The following RNF2 variants were observed in gnomAD, a reference collection of about 807,000 sequenced individuals.
RNF2 encodes E3 ubiquitin-protein ligase RING2.
A neutral mutation model predicts 37.2 loss-of-function variants in RNF2; 6 were observed. The ratio of observed to expected loss-of-function variants is 0.16; its 90% CI spans 0.09 to 0.32. The LOEUF (loss-of-function observed/expected upper bound fraction) is 0.32. Among genes scored for constraint, RNF2 ranks in the 10% least tolerant of loss-of-function variants. The pLI, the probability that RNF2 is intolerant of heterozygous loss-of-function variation, is 1.00. For missense variants in RNF2, 251 were observed against 404.0 expected, an observed-to-expected ratio of 0.62 and a Z score of 3.25; for synonymous variants, 133 against 132.7, an observed-to-expected ratio of 1.00 and a Z score of -0.02.
intron 3 of RNF2, 44 bp downstream of exon 3, chr1:185,091,783 C>A: frequency 6.8e-7 from 1 of 1,476,116 alleles, no homozygotes; most frequent in Non-Finnish European, 9.3e-7. Flanking sequence ...AATTGTACCA[C>A]GAAAGTGCTT....
intron 1 of RNF2, among the ~76,000 whole-genome samples, chr1:185,086,105 CTTTCTT>C (rs927244988): frequency 4.6e-5 from 7 of 152,034 alleles, no homozygotes; most frequent in African/African-American, 1.7e-4. Flanking sequence ...TTGATAATCT[CTTTCTT>C]TTTAAGGTTT....
At chr1:185,100,014 A>G (rs753943567) in intron 6 of RNF2, 52 bp downstream of exon 6, 62 of 1,519,206 alleles carry the variant, frequency 4.1e-5, no homozygotes, top group Admixed American at 9.3e-5. Flanking sequence ...CTGACCAACT[A>G]ACTGAGTGGC....
At chr1:185,088,831 T>G (rs912476811) in intron 2 of RNF2, among the ~76,000 whole-genome samples, 1 of 152,218 alleles carries the variant, frequency 6.6e-6, no homozygotes, top group African/African-American at 2.4e-5. Context: ...AGTGAGGTGC[T>G]GTATGGGCAT....
intron 1 of RNF2, among the ~76,000 whole-genome samples, chr1:185,059,940 T>G (rs1391135000): frequency 3.9e-5 from 6 of 152,210 alleles, no homozygotes; most frequent in Admixed American, 3.9e-4. Context: ...ACCACAGATT[T>G]AATTTGCCAA....
chr1:185,098,371 A>T, intron 5 of RNF2, 27 bp downstream of exon 5: 1 of 1,602,378 alleles, frequency 6.2e-7, no homozygotes, highest in East Asian at 2.2e-5. Flanking sequence ...GTTTCAGATT[A>T]TCTAAATTCA....
chr1:185,098,246 A>C lies in RNF2; in HGVS notation c.639A>C (p.Ala213=). The change falls in exon 5 of 7, where the codon GCA becomes GCC. Residue 213 remains alanine, a synonymous_variant. Coordinates refer to ENST00000367510, the MANE Select transcript of RNF2 (RefSeq NM_007212.4). ...SGLELDNNNA[A]MAIDPVMDGA... Reference sequence around the variant, plus strand: ...TAGAGCTTGATAATAACAATGCAGCAATGGCAATTGATCCAGTAATGGATG... The same window carrying C: ...TAGAGCTTGATAATAACAATGCAGCCATGGCAATTGATCCAGTAATGGATG... The C allele has an allele frequency of 1.9e-6, 3 of 1,614,196 alleles. No individual in the cohort carries two copies. The highest frequency in any genetic ancestry group is 2.5e-6 in the Non-Finnish European group (3 of 1,180,032).
At chr1:185,087,667 G>T (rs763055792) in intron 2 of RNF2, 27 bp downstream of exon 2, 5 of 1,523,302 alleles carry the variant, frequency 3.3e-6, no homozygotes, top group Non-Finnish European at 3.6e-6. Context: ...CTGCCAAGGG[G>T]CATATGAGAC....
chr1:185,086,616 A>G (rs1358784275), intron 1 of RNF2, among the ~76,000 whole-genome samples: 1 of 152,236 alleles, frequency 6.6e-6, no homozygotes, highest in African/African-American at 2.4e-5. Flanking sequence ...GCTGTCATGT[A>G]GAAAAATTAT....
At chr1:185,082,344 A>ATTTTTTTTTTTTTTTTTTTTTTTTTT (rs1557969996) in intron 1 of RNF2, among the ~76,000 whole-genome samples, 1 of 46,834 alleles carries the variant, frequency 2.1e-5, no homozygotes, top group African/African-American at 7.2e-5. Flanking sequence ...CCTCTGCAGA[A>ATTTTTTTTTTTTTTTTTTTTTTTTTT]CTTTTTTTTT....
intron 1 of RNF2, among the ~76,000 whole-genome samples, chr1:185,076,268 G>GCTTTTTT (rs1553240995): frequency 1.1e-4 from 3 of 27,334 alleles, no homozygotes; most frequent in Non-Finnish European, 2.3e-4. Flanking sequence ...TTTATGGGTT[G>GCTTTTTT]TTTTTTTTTT....
intron 3 of RNF2, 142 bp from the exon 4 acceptor site, chr1:185,092,919 T>C (rs1651810771): frequency 1.3e-6 from 1 of 769,750 alleles, no homozygotes; most frequent in Admixed American, 2.7e-5. Flanking sequence ...TTCAAGGAAA[T>C]TCAGGATAAT....
intron 1 of RNF2, among the ~76,000 whole-genome samples, chr1:185,055,592 T>G (rs1053518509): frequency 6.6e-6 from 1 of 152,140 alleles, no homozygotes; most frequent in African/African-American, 2.4e-5. Flanking sequence ...TTTTTGTATT[T>G]TGAGTAGAGT....
intron 4 of RNF2, among the ~76,000 whole-genome samples, chr1:185,095,407 A>G (rs555778582): frequency 2.0e-5 from 3 of 152,338 alleles, no homozygotes; most frequent in Non-Finnish European, 2.9e-5. Flanking sequence ...CCTTCTTCCA[A>G]ATAATCCACA....
At chr1:185,077,066 A>G (rs979834656) in intron 1 of RNF2, among the ~76,000 whole-genome samples, 2 of 152,176 alleles carry the variant, frequency 1.3e-5, no homozygotes, top group Admixed American at 6.5e-5. Flanking sequence ...TTTTGTTGCT[A>G]TCGTGAATGG....
intron 1 of RNF2, among the ~76,000 whole-genome samples, chr1:185,070,625 A>G (rs902840045): frequency 6.7e-6 from 1 of 149,596 alleles, no homozygotes; most frequent in East Asian, 2.0e-4. Flanking sequence ...TGTAGACTGC[A>G]GTATTTTCTT....
At chr1:185,082,241 A>G (rs928658549) in intron 1 of RNF2, among the ~76,000 whole-genome samples, 1 of 151,846 alleles carries the variant, frequency 6.6e-6, no homozygotes, top group Non-Finnish European at 1.5e-5. Context: ...TAGTGTAGTT[A>G]TAAGAGGATC....
chr1:185,071,307 C>CA (rs1650965795), intron 1 of RNF2, among the ~76,000 whole-genome samples: 6 of 152,086 alleles, frequency 3.9e-5, no homozygotes, highest in Admixed American at 3.9e-4. Context: ...CAACAGAACT[C>CA]AGTTTCCGGG....
At chr1:185,096,382 C>A (rs1224879338) in intron 4 of RNF2, among the ~76,000 whole-genome samples, 1 of 152,056 alleles carries the variant, frequency 6.6e-6, no homozygotes, top group Non-Finnish European at 1.5e-5. Context: ...CAATGTTGTG[C>A]AGCCAATCTA....
chr1:185,057,618 G>C (rs1650471475), intron 1 of RNF2, among the ~76,000 whole-genome samples: 1 of 152,078 alleles, frequency 6.6e-6, no homozygotes, highest in African/African-American at 2.4e-5. Flanking sequence ...AAGAAAACAA[G>C]GAATGAAAGA....
Sources: allele counts gnomAD v4.1 joint callset (sites outside exome capture counted in the v4.1 genomes callset), GRCh38; gene constraint gnomAD v4.1.1; transcripts MANE v1.5; gene names NCBI Gene and HGNC (gene_info 2026-07-23, HGNC 2026-07-21).